The following SLC17A8 variants were observed in gnomAD, a reference collection of about 807,000 sequenced individuals.
SLC17A8 encodes the protein vesicular glutamate transporter 3.
In SLC17A8, 31 loss-of-function variants were observed where a neutral mutation model predicts 58.0. The ratio of observed to expected loss-of-function variants is 0.53; its 90% CI spans 0.40 to 0.72. The LOEUF (loss-of-function observed/expected upper bound fraction) is 0.72, where lower values mean the gene tolerates loss of function less well. SLC17A8 is among the 30% of genes least tolerant of loss of function. The pLI is 0.00. For missense variants in SLC17A8, 655 were observed against 727.8 expected (o/e 0.90, Z 1.15); for synonymous variants, 228 against 249.0 (o/e 0.92, Z 0.79).
At chr12:100,399,948 T>G in intron 5 of SLC17A8, among the ~76,000 whole-genome samples, 1 of 152,210 alleles carries the variant, frequency 6.6e-6, no homozygotes, top group East Asian at 1.9e-4. Context: ...CACTTCTACC[T>G]GTGTGACCTC....
chr12:100,404,185 A>G lies in SLC17A8; in HGVS notation c.1186+15A>G. The stretch of plus-strand genomic sequence containing the variant: ...GAACTGTGGAGGTACTGTGGATTTC[A>G]TAGATGGCTTAGGCAGCTTTTGTAG... On this transcript the variant is annotated intron_variant, in intron 9 of 11. Coordinates refer to ENST00000323346, the MANE Select transcript of SLC17A8 (RefSeq NM_139319.3). The G allele has an allele frequency of 1.2e-6, 2 of 1,614,128 alleles. No homozygotes were observed. Among genetic ancestry groups the G allele is most frequent in the South Asian group, 1.1e-5 (1 of 91,080 alleles).
At chr12:100,403,099 A>C (rs1952802900) in intron 8 of SLC17A8, among the ~76,000 whole-genome samples, 1 of 152,138 alleles carries the variant, frequency 6.6e-6, no homozygotes, top group Non-Finnish European at 1.5e-5. Flanking sequence ...TAGCAGTAAG[A>C]ACCTTACCAT....
intron 5 of SLC17A8, 145 bp from the exon 6 acceptor site, chr12:100,401,632 A>G (rs1952791760): frequency 1.4e-6 from 1 of 727,712 alleles, no homozygotes; most frequent in Non-Finnish European, 2.5e-6. Flanking sequence ...TCTGTGGCAC[A>G]CTGGGAGTTT....
At chr12:100,393,747 A>AT (rs1479456946) in intron 4 of SLC17A8, among the ~76,000 whole-genome samples, 1 of 152,244 alleles carries the variant, frequency 6.6e-6, no homozygotes, top group East Asian at 1.9e-4. Flanking sequence ...ATTTTAATAG[A>AT]TAGTGTAACT....
intron 10 of SLC17A8, among the ~76,000 whole-genome samples, chr12:100,415,264 G>A (rs965507498): frequency 3.3e-5 from 5 of 151,848 alleles, no homozygotes; most frequent in African/African-American, 1.2e-4. Flanking sequence ...TCAGGAGTTC[G>A]AGACCAACCT....
intron 9 of SLC17A8, among the ~76,000 whole-genome samples, chr12:100,407,731 G>T (rs187993879): frequency 6.6e-6 from 1 of 151,802 alleles, no homozygotes; most frequent in East Asian, 1.9e-4. Flanking sequence ...TCAGCCTCCC[G>T]AGTAGCTGGG....
rs1271891460 is a variant in SLC17A8 at position 100,393,359 on chromosome 12, G to T, written c.474-10G>T. On this transcript the variant is annotated splice_polypyrimidine_tract_variant and intron_variant, in intron 3 of 11. Coordinates refer to ENST00000323346, the MANE Select transcript of SLC17A8 (RefSeq NM_139319.3). ...GACCTGCCGAATAACACAATGCTTTGGTCCCCCAGGGTCTTTGGAGCTGCC... is the reference window on the plus strand; with the variant it reads ...GACCTGCCGAATAACACAATGCTTTTGTCCCCCAGGGTCTTTGGAGCTGCC... The T allele has an allele frequency of 3.8e-6, 6 of 1,599,288 alleles. No individual in the cohort carries two copies. Among genetic ancestry groups the T allele is most frequent in the African/African-American group, 1.3e-5 (1 of 74,558 alleles).
intron 1 of SLC17A8, among the ~76,000 whole-genome samples, chr12:100,371,013 G>A (rs1174328682): frequency 6.6e-6 from 1 of 152,218 alleles, no homozygotes; most frequent in African/African-American, 2.4e-5. Flanking sequence ...CTGGGCTGGC[G>A]TTGGCCAGGT....
chr12:100,402,208 C>G, intron 6 of SLC17A8, 132 bp from the exon 7 acceptor site: 1 of 922,178 alleles, frequency 1.1e-6, no homozygotes. Flanking sequence ...ATGTCTGAGT[C>G]CCTCAAACCT....
At chr12:100,414,073 A>C (rs1435180864) in intron 10 of SLC17A8, among the ~76,000 whole-genome samples, 2 of 152,248 alleles carry the variant, frequency 1.3e-5, no homozygotes, top group Non-Finnish European at 2.9e-5. Flanking sequence ...TGAAGCAAGT[A>C]GTAGTATATC....
At chr12:100,398,671 T>C (rs1425929194) in intron 5 of SLC17A8, among the ~76,000 whole-genome samples, 1 of 152,174 alleles carries the variant, frequency 6.6e-6, no homozygotes, top group Non-Finnish European at 1.5e-5. Context: ...TCTCAAAAGA[T>C]ATTGGAGTTA....
rs971486969 is a variant in SLC17A8 at position 100,376,819 on chromosome 12, CT to C, written c.102-3874del. ...GCATCAGTTTTCTTTCTTTTCTTTT[CT>C]TTTTTTTGAGATGGAGTCTCACTCT... is the stretch of plus-strand genomic sequence containing the variant. On this transcript the variant is annotated intron_variant, in intron 1 of 11. Coordinates refer to ENST00000323346, the MANE Select transcript of SLC17A8 (RefSeq NM_139319.3). Among the ~76,000 whole-genome samples the C allele has an allele frequency of 7.9e-5, 12 of 151,660 alleles. No homozygotes were observed. The East Asian group carries it at 1.9e-3, about 25-fold the overall frequency.
At chr12:100,375,060 T>C (rs1271245798) in intron 1 of SLC17A8, among the ~76,000 whole-genome samples, 3 of 151,404 alleles carry the variant, frequency 2.0e-5, no homozygotes, top group Admixed American at 6.6e-5. Context: ...ATGTCTAAGA[T>C]GACACTGTGC....
At chr12:100,377,688 A>G (rs931247749) in intron 1 of SLC17A8, among the ~76,000 whole-genome samples, 4 of 149,624 alleles carry the variant, frequency 2.7e-5, no homozygotes, top group Non-Finnish European at 3.0e-5. Context: ...TCCCAGATTC[A>G]AGTGATTCTC....
intron 6 of SLC17A8, 87 bp downstream of exon 6, chr12:100,401,950 C>T: frequency 1.0e-6 from 1 of 994,776 alleles, no homozygotes; most frequent in African/African-American, 1.6e-5. Flanking sequence ...TTCATTACAT[C>T]AAAATAGAGA....
intron 3 of SLC17A8, 36 bp downstream of exon 3, chr12:100,391,155 G>A (rs1952713180): frequency 7.1e-7 from 1 of 1,411,688 alleles, no homozygotes; most frequent in South Asian, 1.2e-5. Flanking sequence ...ACAAACCAAT[G>A]AAATGTGGCT....
intron 1 of SLC17A8, among the ~76,000 whole-genome samples, chr12:100,380,399 A>G (rs1471882217): frequency 6.6e-5 from 10 of 151,928 alleles, no homozygotes; most frequent in Non-Finnish European, 1.5e-4. Context: ...TGACATGATG[A>G]CACTGTCTAC....
At chr12:100,418,004 T>C in intron 10 of SLC17A8, 25 bp from the exon 11 acceptor site, 1 of 1,614,066 alleles carries the variant, frequency 6.2e-7, no homozygotes, top group Non-Finnish European at 8.5e-7. Flanking sequence ...TTGACTCTGA[T>C]TTTGAGGTTT....
chr12:100,385,168 C>T (rs1952665075), intron 2 of SLC17A8, among the ~76,000 whole-genome samples: 1 of 148,848 alleles, frequency 6.7e-6, no homozygotes, highest in Non-Finnish European at 1.5e-5. Context: ...GAGAAAGAGA[C>T]AGAGACACAG....
Sources: allele counts gnomAD v4.1 joint callset (sites outside exome capture counted in the v4.1 genomes callset), GRCh38; gene constraint gnomAD v4.1.1; transcripts MANE v1.5; gene names NCBI Gene and HGNC (gene_info 2026-07-23, HGNC 2026-07-21).